The following TOP6BL variants were observed in gnomAD, a reference collection of about 807,000 sequenced individuals.
TOP6BL encodes type 2 DNA topoisomerase 6 subunit B-like.
chr11:66,748,396 A>G, the TOP6BL span: 1 of 1,537,420 alleles, frequency 6.5e-7, no homozygotes, highest in Non-Finnish European at 8.8e-7. Flanking sequence ...GATTTTTAAT[A>G]ATTCACTGGA....
chr11:66,764,000 A>G, the TOP6BL span, among the ~76,000 whole-genome samples: 1 of 152,244 alleles, frequency 6.6e-6, no homozygotes, highest in Non-Finnish European at 1.5e-5. Flanking sequence ...TTGAGCATTT[A>G]CTATGCATTA....
the TOP6BL span, among the ~76,000 whole-genome samples, chr11:66,770,603 C>T: frequency 6.6e-6 from 1 of 152,118 alleles, no homozygotes; most frequent in Admixed American, 6.5e-5. Context: ...ACTTGGGAGG[C>T]TGACCCAGGA....
At chr11:66,835,899 GTA>G in the TOP6BL span, among the ~76,000 whole-genome samples, 1 of 152,090 alleles carries the variant, frequency 6.6e-6, no homozygotes, top group East Asian at 1.9e-4. Flanking sequence ...ACTGTCTTGG[GTA>G]TATATCTAGG....
chr11:66,759,018 T>C, the TOP6BL span: 3 of 1,511,576 alleles, frequency 2.0e-6, no homozygotes, highest in East Asian at 2.3e-5. Flanking sequence ...ATTTGTGATA[T>C]TTCTTTGTAT....
the TOP6BL span, among the ~76,000 whole-genome samples, chr11:66,818,557 G>A: frequency 6.6e-6 from 1 of 152,156 alleles, no homozygotes; most frequent in African/African-American, 2.4e-5. Context: ...CATCAGGGTG[G>A]AATCAAGAGA....
chr11:66,788,779 G>A, the TOP6BL span, among the ~76,000 whole-genome samples: 15 of 152,132 alleles, frequency 9.9e-5, no homozygotes, highest in Middle Eastern at 3.4e-3. Flanking sequence ...TTGCTATGTC[G>A]CACAGTCTGG....
the TOP6BL span, among the ~76,000 whole-genome samples, chr11:66,766,065 C>T: frequency 1.3e-5 from 2 of 152,164 alleles, no homozygotes; most frequent in Admixed American, 1.3e-4. Context: ...ATTCATTACT[C>T]ATCAGTTTTC....
At chr11:66,833,676 G>A in the TOP6BL span, among the ~76,000 whole-genome samples, 1 of 151,946 alleles carries the variant, frequency 6.6e-6, no homozygotes, top group Non-Finnish European at 1.5e-5. Context: ...GGCCAGGTGC[G>A]GTGGCTCACT....
chr11:66,828,292 C>G, the TOP6BL span: 25 of 1,613,656 alleles, frequency 1.5e-5, no homozygotes, highest in South Asian at 2.7e-4. Context: ...AGTTCAGGAC[C>G]AAACTGCACA....
the TOP6BL span, among the ~76,000 whole-genome samples, chr11:66,773,768 G>A: frequency 3.3e-5 from 5 of 151,918 alleles, no homozygotes; most frequent in South Asian, 2.1e-4. Flanking sequence ...ACAGAGTCTC[G>A]CTCTGTTGCT....
chr11:66,843,483 C>A, the TOP6BL span: 6 of 1,468,948 alleles, frequency 4.1e-6, no homozygotes, highest in East Asian at 5.6e-5. Flanking sequence ...GGATGGGCTG[C>A]GACTGCTGTC....
At chr11:66,759,189 GACAGATTTATAAATAAAAAT>G in the TOP6BL span, 2 of 843,852 alleles carry the variant, frequency 2.4e-6, no homozygotes, top group Non-Finnish European at 3.5e-6. Flanking sequence ...AGAAAGAGCT[GACAGATTTATAAATAAAAAT>G]ACAGGATGCC....
the TOP6BL span, chr11:66,843,445 G>C: frequency 1.4e-6 from 2 of 1,401,308 alleles, no homozygotes; most frequent in African/African-American, 1.5e-5. Context: ...CGCGCCGCGG[G>C]TCAGGGCGCA....
At chr11:66,826,525 C>T in the TOP6BL span, among the ~76,000 whole-genome samples, 1 of 152,124 alleles carries the variant, frequency 6.6e-6, no homozygotes, top group Non-Finnish European at 1.5e-5. Context: ...TAAGCTAGTG[C>T]ATTTTATCAT....
the TOP6BL span, among the ~76,000 whole-genome samples, chr11:66,763,308 A>G: frequency 1.3e-5 from 2 of 152,144 alleles, no homozygotes; most frequent in African/African-American, 2.4e-5. Flanking sequence ...CTACCTTCCA[A>G]CTGTCTGTAT....
chr11:66,786,280 A>G, the TOP6BL span, among the ~76,000 whole-genome samples: 1 of 151,920 alleles, frequency 6.6e-6, no homozygotes. Context: ...CCTGGGTGAC[A>G]GAGCAAAACT....
chr11:66,781,106 T>C, the TOP6BL span, among the ~76,000 whole-genome samples: 1 of 152,182 alleles, frequency 6.6e-6, no homozygotes, highest in East Asian at 1.9e-4. Context: ...TTTAGGGAAT[T>C]TTGTTCATGG....
At chr11:66,800,599 T>C in the TOP6BL span, 4 of 1,502,424 alleles carry the variant, frequency 2.7e-6, no homozygotes. Flanking sequence ...AATCTGTATC[T>C]TGGCTCATGT....
chr11:66,794,564 C>G, the TOP6BL span, among the ~76,000 whole-genome samples: 1 of 151,826 alleles, frequency 6.6e-6, no homozygotes, highest in Non-Finnish European at 1.5e-5. Flanking sequence ...AATTTGGGTA[C>G]CTAATAGAGT....
Sources: gnomAD v4.1 joint callset for allele counts (sites outside exome capture counted in the v4.1 genomes callset) on GRCh38, gnomAD v4.1.1 for gene constraint, MANE v1.5 for transcripts, NCBI Gene and HGNC (gene_info 2026-07-23, HGNC 2026-07-21) for gene names.